Variants in CCPG1 observed in about 807,000 individuals in gnomAD.
CCPG1 encodes the protein cell cycle progression 1.
In CCPG1, 46 loss-of-function variants were observed where a neutral mutation model predicts 81.3. The ratio of observed to expected loss-of-function variants is 0.57; its 90% CI spans 0.45 to 0.72. CCPG1 has a LOEUF of 0.72. CCPG1 is among the 30% of genes least tolerant of loss of function. The probability of loss-of-function intolerance (pLI) is 0.00; values close to 1 mark genes in which losing one functional copy is unlikely to be tolerated. For synonymous variants in CCPG1, 330 were observed against 305.2 expected (o/e 1.08, Z -0.85); for missense variants, 902 against 937.6 (o/e 0.96, Z 0.50).
intron 1 of CCPG1, among the ~76,000 whole-genome samples, chr15:55,395,995 A>G (rs2057009176): frequency 6.6e-6 from 1 of 152,034 alleles, no homozygotes; most frequent in Non-Finnish European, 1.5e-5. Flanking sequence ...CTCTACTAAA[A>G]ATACAAAAAT....
intron 3 of CCPG1, among the ~76,000 whole-genome samples, chr15:55,384,618 G>A (rs1043277178): frequency 2.0e-5 from 3 of 152,068 alleles, no homozygotes; most frequent in Admixed American, 6.6e-5. Context: ...TCATACCATT[G>A]CACTCCAGCA....
chr15:55,363,351 A>G (rs1407371878), intron 7 of CCPG1, among the ~76,000 whole-genome samples: 3 of 133,530 alleles, frequency 2.2e-5, no homozygotes, highest in South Asian at 2.4e-4. Flanking sequence ...TCCATCTCAG[A>G]AAAAAAACAA....
At chr15:55,377,554 T>C (rs1029830730) in intron 4 of CCPG1, among the ~76,000 whole-genome samples, 1 of 152,214 alleles carries the variant, frequency 6.6e-6, no homozygotes, top group African/African-American at 2.4e-5. Context: ...AACAGCTGTA[T>C]CTTGTACTGA....
rs528761472 is a variant in CCPG1, at chr15:55,402,378, C to A, written c.-10+5843G>T. On this transcript the variant is annotated intron_variant, in intron 1 of 8. Coordinates refer to ENST00000442196, the MANE Select transcript of CCPG1 (RefSeq NM_001204450.2). ...GAGTAATTGGGACTACAGGTACACA[C>A]CACCAAGTCAGGCTAATTTTTGTAT... Among the ~76,000 whole-genome samples the A allele has an allele frequency of 1.1e-4, 16 of 152,222 alleles. No homozygotes were observed. In the East Asian group the frequency reaches 3.1e-3, roughly 29 times the overall value.
At chr15:55,378,193 C>T (rs1159519925) in intron 4 of CCPG1, 107 bp downstream of exon 4, 5 of 622,978 alleles carry the variant, frequency 8.0e-6, no homozygotes, top group Non-Finnish European at 1.3e-5. Flanking sequence ...GTCAAAATTG[C>T]TTATAATTCA....
At chr15:55,404,226 AAAC>A (rs143786408) in intron 1 of CCPG1, among the ~76,000 whole-genome samples, 35,331 of 152,000 alleles carry the variant, frequency 0.23, 5,195 homozygotes, top group Non-Finnish European at 0.33. Flanking sequence ...ACAACCTGAA[AAAC>A]AACGTGTTAC....
At chr15:55,402,393 A>T (rs1234402138) in intron 1 of CCPG1, among the ~76,000 whole-genome samples, 3 of 151,998 alleles carry the variant, frequency 2.0e-5, no homozygotes, top group African/African-American at 7.3e-5. Flanking sequence ...AAGTCAGGCT[A>T]ATTTTTGTAT....
At chr15:55,374,777 T>G (rs1040459527) in intron 5 of CCPG1, among the ~76,000 whole-genome samples, 2 of 152,092 alleles carry the variant, frequency 1.3e-5, no homozygotes, top group Non-Finnish European at 2.9e-5. Context: ...ATTACAGGCC[T>G]GCGCTACCAC....
intron 2 of CCPG1, among the ~76,000 whole-genome samples, chr15:55,387,694 G>A (rs1209870527): frequency 6.6e-6 from 1 of 151,644 alleles, no homozygotes. Context: ...ACAGGCATGT[G>A]CGACCACGCC....
At position 55,385,058 on chromosome 15, in the gene CCPG1, C is replaced by T. The variant is rs570432025; in HGVS notation, c.175+542G>A. ...TTGTCACTGGTTACCTCTGTAGCAA[C>T]AAAGTGTATCTGAAAACCCAAAAAT... On this transcript the variant is annotated intron_variant, in intron 3 of 8. Coordinates refer to ENST00000442196, the MANE Select transcript of CCPG1 (RefSeq NM_001204450.2). Among the ~76,000 whole-genome samples the T allele has an allele frequency of 8.5e-4, 129 of 152,306 alleles. 2 individuals are homozygous for T. The highest frequency in any genetic ancestry group is 3.0e-3 in the African/African-American group (126 of 41,562).
At position 55,385,681 on chromosome 15, in the gene CCPG1, G is replaced by A. The variant is rs764266065; in HGVS notation, c.94C>T (p.Pro32Ser). The stretch of plus-strand genomic sequence containing the variant: ...GGGGCGGGCTCACAGCTGTCAGTGG[G>A]GGTCACAGAATTCAACATTTCTATA... ...SDIEMLNSVT[P>S]TDSCEPAPEC... Residue 32 changes from proline to serine, a missense_variant, in exon 3 of 9, where the codon CCC (proline) becomes TCC (serine). This residue lies in a region of CCPG1 where 28 missense variants were observed against 47.8 expected (regional missense o/e 0.59). Coordinates refer to ENST00000442196, the MANE Select transcript of CCPG1 (RefSeq NM_001204450.2). 1 of 1,610,960 alleles carries A rather than the reference G, an allele frequency of 6.2e-7. No homozygotes were observed. Among genetic ancestry groups the A allele is most frequent in the Non-Finnish European group, 8.5e-7 (1 of 1,177,454 alleles).
At position 55,376,366 on chromosome 15, in the gene CCPG1, G is replaced by A. The variant is rs531312803; in HGVS notation, c.454+583C>T. On this transcript the variant is annotated intron_variant, in intron 5 of 8. Coordinates refer to ENST00000442196, the MANE Select transcript of CCPG1 (RefSeq NM_001204450.2). ...CTCTGAATGAGTCTGTCTGTACAAC[G>A]GGCATTGATTGCATTAAAAATGTGG... Among the ~76,000 whole-genome samples, 9 of 152,170 alleles carry A rather than the reference G, an allele frequency of 5.9e-5. No homozygotes were observed. In the South Asian group the frequency reaches 1.2e-3, roughly 21 times the overall value.
chr15:55,371,705 CA>C, intron 6 of CCPG1, 87 bp downstream of exon 6: 1 of 1,308,470 alleles, frequency 7.6e-7, no homozygotes. Flanking sequence ...TTAATAATGG[CA>C]CTGAAAACAG....
chr15:55,357,582 G>T, intron 8 of CCPG1: 1 of 248,596 alleles, frequency 4.0e-6, no homozygotes, highest in Non-Finnish European at 6.4e-6. Context: ...GGGTACAGTG[G>T]CTCACGACTG....
chr15:55,375,554 C>G (rs2056547723), intron 5 of CCPG1, among the ~76,000 whole-genome samples: 1 of 152,146 alleles, frequency 6.6e-6, no homozygotes, highest in Admixed American at 6.5e-5. Context: ...TGAAGTTTTC[C>G]TCTGAACATC....
intron 1 of CCPG1, among the ~76,000 whole-genome samples, chr15:55,401,863 C>T (rs1370420284): frequency 6.6e-6 from 1 of 152,218 alleles, no homozygotes; most frequent in Non-Finnish European, 1.5e-5. Flanking sequence ...ATCTGGTTCT[C>T]ACCTAATTTG....
chr15:55,381,418 A>C (rs532795899), intron 3 of CCPG1, among the ~76,000 whole-genome samples: 2 of 152,384 alleles, frequency 1.3e-5, no homozygotes, highest in South Asian at 4.1e-4. Context: ...CCTGGGCAAC[A>C]GTGCGAGACT....
At chr15:55,376,917 T>A in intron 5 of CCPG1, 32 bp downstream of exon 5, 1 of 1,503,692 alleles carries the variant, frequency 6.7e-7, no homozygotes, top group East Asian at 2.3e-5. Flanking sequence ...TGGTCGTACA[T>A]GTCTTTAAGT....
intron 3 of CCPG1, among the ~76,000 whole-genome samples, chr15:55,384,013 A>T (rs2056752702): frequency 6.6e-6 from 1 of 152,218 alleles, no homozygotes; most frequent in Non-Finnish European, 1.5e-5. Context: ...GGCCCAAGAG[A>T]CTTAGCTTTT....
Sources: gnomAD v4.1 joint callset for allele counts (sites outside exome capture counted in the v4.1 genomes callset) on GRCh38, gnomAD v4.1.1 for gene constraint, gnomAD v4.1.1 regional missense constraint, MANE v1.5 for transcripts, NCBI Gene and HGNC (gene_info 2026-07-23, HGNC 2026-07-21) for gene names.